Variants in RFX3 observed in about 807,000 individuals in gnomAD.
RFX3 encodes the protein transcription factor RFX3.
A neutral mutation model predicts 98.6 loss-of-function variants in RFX3; 14 were observed. The ratio of observed to expected loss-of-function variants is 0.14; its 90% CI spans 0.09 to 0.22. The LOEUF (loss-of-function observed/expected upper bound fraction) is 0.22. Ranked by LOEUF, RFX3 falls within the 10% of genes least tolerant of loss-of-function variation. The probability of loss-of-function intolerance (pLI) is 1.00; values close to 1 mark genes in which losing one functional copy is unlikely to be tolerated. For missense variants in RFX3, 639 were observed against 926.9 expected (o/e 0.69, Z 4.03); for synonymous variants, 383 against 328.4 (o/e 1.17, Z -1.80).
intron 3 of RFX3, 32 bp downstream of exon 3, chr9:3,346,635 G>T: frequency 7.6e-7 from 1 of 1,319,794 alleles, no homozygotes; most frequent in Non-Finnish European, 1.1e-6. Flanking sequence ...TCTGAGTGGG[G>T]GAATTAAAAA....
intron 3 of RFX3, among the ~76,000 whole-genome samples, chr9:3,340,925 A>C (rs1833814125): frequency 1.3e-5 from 2 of 152,326 alleles, no homozygotes; most frequent in Non-Finnish European, 2.9e-5. Context: ...AAGGATTATA[A>C]ATCATGCTGC....
At chr9:3,248,713 T>C (rs370757010) in intron 14 of RFX3, among the ~76,000 whole-genome samples, 35 of 152,286 alleles carry the variant, frequency 2.3e-4, no homozygotes, top group African/African-American at 8.4e-4. Flanking sequence ...CGTACAGGGA[T>C]TCCAGCAAGT....
intron 15 of RFX3, among the ~76,000 whole-genome samples, chr9:3,239,384 G>A (rs1366979539): frequency 6.6e-6 from 1 of 152,158 alleles, no homozygotes; most frequent in Non-Finnish European, 1.5e-5. Flanking sequence ...CAAGATCTCT[G>A]GCAGTTTGCT....
chr9:3,492,693 T>C (rs768907448), intron 1 of RFX3, among the ~76,000 whole-genome samples: 54 of 151,936 alleles, frequency 3.6e-4, no homozygotes, highest in Non-Finnish European at 5.4e-4. Context: ...AAAATGGAGG[T>C]AGACTGCAGG....
At chr9:3,377,883 T>C (rs1306817527) in intron 2 of RFX3, among the ~76,000 whole-genome samples, 1 of 152,216 alleles carries the variant, frequency 6.6e-6, no homozygotes, top group Non-Finnish European at 1.5e-5. Context: ...AAATTTTCAG[T>C]TCGGTAGTTT....
intron 11 of RFX3, among the ~76,000 whole-genome samples, chr9:3,267,318 A>G (rs994939136): frequency 6.6e-6 from 1 of 151,962 alleles, no homozygotes; most frequent in African/African-American, 2.4e-5. Context: ...ATATGCTACT[A>G]TAAGAAACAC....
At chr9:3,249,251 T>C (rs1479921246) in intron 14 of RFX3, among the ~76,000 whole-genome samples, 1 of 152,182 alleles carries the variant, frequency 6.6e-6, no homozygotes, top group Non-Finnish European at 1.5e-5. Context: ...TTTTTCAACC[T>C]TGTTTAAATA....
intron 1 of RFX3, among the ~76,000 whole-genome samples, chr9:3,441,774 G>T (rs1845630810): frequency 6.6e-6 from 1 of 152,164 alleles, no homozygotes; most frequent in African/African-American, 2.4e-5. Context: ...AAGAACTTAT[G>T]TAAATACCCA....
intron 7 of RFX3, among the ~76,000 whole-genome samples, chr9:3,287,507 AC>A (rs1231480403): frequency 6.6e-6 from 1 of 151,956 alleles, no homozygotes; most frequent in African/African-American, 2.4e-5. Context: ...ATCTGAAAAA[AC>A]AGAAACTATT....
At chr9:3,353,343 A>G (rs1835382511) in intron 2 of RFX3, among the ~76,000 whole-genome samples, 2 of 152,128 alleles carry the variant, frequency 1.3e-5, no homozygotes, top group Admixed American at 6.6e-5. Flanking sequence ...AACTTAAAGT[A>G]TAATAATACT....
chr9:3,327,699 T>C (rs1020358758), intron 4 of RFX3, among the ~76,000 whole-genome samples: 1 of 152,090 alleles, frequency 6.6e-6, no homozygotes, highest in African/African-American at 2.4e-5. Flanking sequence ...AAAATTAATA[T>C]GTACAACTGA....
intron 4 of RFX3, among the ~76,000 whole-genome samples, chr9:3,324,972 T>C (rs768234754): frequency 1.3e-5 from 2 of 151,364 alleles, no homozygotes; most frequent in Non-Finnish European, 2.9e-5. Context: ...TCAAAAAAAA[T>C]CAAAAATCAA....
chr9:3,369,922 G>C (rs1358274423), intron 2 of RFX3, among the ~76,000 whole-genome samples: 5 of 151,778 alleles, frequency 3.3e-5, no homozygotes, highest in Non-Finnish European at 7.4e-5. Context: ...CTCCGCCCTC[G>C]GGTTCCCGCC....
chr9:3,262,789 G>C (rs879185228), intron 13 of RFX3, 146 bp downstream of exon 13: 6 of 818,428 alleles, frequency 7.3e-6, no homozygotes. Flanking sequence ...CTGTATCTGG[G>C]TCAAACTCCT....
intron 1 of RFX3, among the ~76,000 whole-genome samples, chr9:3,408,369 A>G (rs1842150155): frequency 6.6e-6 from 1 of 152,134 alleles, no homozygotes; most frequent in African/African-American, 2.4e-5. Context: ...TTCCTGCTTG[A>G]GCACAGGGCC....
chr9:3,257,745 T>A (rs1822321873), intron 13 of RFX3, among the ~76,000 whole-genome samples: 2 of 152,204 alleles, frequency 1.3e-5, no homozygotes, highest in African/African-American at 2.4e-5. Context: ...GTGAGTTATA[T>A]GGATTGGGAA....
chr9:3,438,799 T>A (rs1845380239), intron 1 of RFX3, among the ~76,000 whole-genome samples: 1 of 151,934 alleles, frequency 6.6e-6, no homozygotes, highest in Admixed American at 6.6e-5. Flanking sequence ...AGAGAATAAT[T>A]TCATAATGAT....
At position 3,265,946 on chromosome 9, in the gene RFX3, C is replaced by T. The variant is rs146911005; in HGVS notation, c.1455+262G>A. 5.3e-5 allele frequency among the ~76,000 whole-genome samples: 8 copies of T among 152,046 alleles called. No homozygotes were observed. The East Asian group carries it at 1.5e-3, about 29-fold the overall frequency. On this transcript the variant is annotated intron_variant, in intron 12 of 16. Transcript: ENST00000617270. ...ATATAATTTAGAATATATATATCTA[C>T]TATATTGTTTAGAAAGAGCTTATAA...
At chr9:3,480,988 C>T (rs1040676731) in intron 1 of RFX3, among the ~76,000 whole-genome samples, 11 of 152,038 alleles carry the variant, frequency 7.2e-5, no homozygotes, top group African/African-American at 2.7e-4. Context: ...AAATGACTAC[C>T]ACAGCAATAT....
Sources: allele counts gnomAD v4.1 joint callset (sites outside exome capture counted in the v4.1 genomes callset), GRCh38; gene constraint gnomAD v4.1.1; transcripts MANE v1.5; gene names NCBI Gene and HGNC (gene_info 2026-07-23, HGNC 2026-07-21).